SUMF2: variants seen among roughly 807,000 people sequenced by gnomAD.
The protein encoded by SUMF2 is inactive C-alpha-formylglycine-generating enzyme 2.
A neutral mutation model predicts 44.8 loss-of-function variants in SUMF2; 45 were observed. The observed-to-expected ratio is 1.00, with a 90% CI of 0.79 to 1.29. The LOEUF is 1.29. SUMF2 is among the 50% of genes most tolerant of loss of function. SUMF2 has a pLI of 0.00. For synonymous variants in SUMF2, 148 were observed against 150.4 expected, an observed-to-expected ratio of 0.98 and a Z score of 0.12; for missense variants, 418 against 389.9, an observed-to-expected ratio of 1.07 and a Z score of -0.61.
downstream of SUMF2, chr7:56,081,369 A>T: frequency 8.5e-6 from 13 of 1,527,652 alleles, no homozygotes; most frequent in South Asian, 1.5e-4. This position sits in a 1 kb window ranked among gnomAD's most constrained non-coding sequence, Gnocchi z 4.6. Flanking sequence ...CAGCACAGGG[A>T]CGCTCTGGGC....
rs201750305 is a variant in SUMF2, at chr7:56,074,686, G to A, written c.485G>A (p.Arg162Gln). 13 of 1,614,024 alleles carry A rather than the reference G, an allele frequency of 8.1e-6. No homozygotes were observed. Among genetic ancestry groups the A allele is most frequent in the Non-Finnish European group, 1.1e-5 (13 of 1,180,024 alleles). ...ARAYCAWRGK[R>Q]LPTEEEWEFA... is the part of the protein sequence containing the mutation. Reference sequence around the variant, plus strand: ...GCCTACTGTGCTTGGCGGGGAAAACGACTGCCCACGGAGGAAGAGTGGGAG... The same window carrying A: ...GCCTACTGTGCTTGGCGGGGAAAACAACTGCCCACGGAGGAAGAGTGGGAG... Residue 162 changes from arginine (R) to glutamine (Q), a missense_variant, in exon 5 of 9, where the codon CGA becomes CAA. Transcript: ENST00000434526.
At chr7:56,082,606 G>A (rs537014186), downstream of SUMF2, among the ~76,000 whole-genome samples, 10 of 151,716 alleles carry the variant, frequency 6.6e-5, no homozygotes, top group Admixed American at 6.6e-4. Flanking sequence ...AAAAAAGAGA[G>A]GAAGTCCAAA....
At chr7:56,073,171 G>A (rs748110656) in intron 3 of SUMF2, 60 bp downstream of exon 3, 1 of 1,347,738 alleles carries the variant, frequency 7.4e-7, no homozygotes, top group Admixed American at 1.8e-5. Context: ...AGGGAATCCT[G>A]TGGGACATGG....
downstream of SUMF2, chr7:56,083,481 G>C: frequency 6.2e-7 from 1 of 1,608,748 alleles, no homozygotes; most frequent in Non-Finnish European, 8.5e-7. Context: ...CCTCTGCTCA[G>C]GGTCAGGTAA....
At position 56,078,451 on chromosome 7, in the gene SUMF2, C is replaced by T. The variant is rs779587979; in HGVS notation, c.764C>T (p.Ala255Val). The change falls in exon 8 of 9, where the codon GCA becomes GTA. Residue 255 changes from alanine (A) to valine (V), a missense_variant. By Grantham distance (64) the Ala-to-Val change is moderately conservative. Coordinates refer to ENST00000434526, the MANE Select transcript of SUMF2 (RefSeq NM_015411.4). ...AEQDMRVLRGASWIDTADGSA... is the reference protein window; with the variant it reads ...AEQDMRVLRGVSWIDTADGSA... ...CAGGACATGCGCGTCCTCCGGGGGG[C>T]ATCCTGGATCGACACAGCTGATGGC... 5 of 1,606,954 alleles carry T rather than the reference C, an allele frequency of 3.1e-6. No homozygotes were observed. In the South Asian group the frequency reaches 5.5e-5, roughly 18 times the overall value.
intron 3 of SUMF2, 126 bp from the exon 4 acceptor site, chr7:56,074,044 ATCAG>A: frequency 1.8e-6 from 1 of 564,184 alleles, no homozygotes; most frequent in Non-Finnish European, 3.3e-6. Context: ...AAAAAAAAAA[ATCAG>A]CCACAACCTC....
downstream of SUMF2, chr7:56,081,160 C>T (rs182098876): frequency 1.1e-5 from 17 of 1,613,862 alleles, no homozygotes; most frequent in African/African-American, 8.0e-5. This position sits in a 1 kb window ranked among gnomAD's most constrained non-coding sequence, Gnocchi z 4.6. Context: ...GCCATAGATT[C>T]GGAAAGCGTA....
chr7:56,073,022 C>T lies in SUMF2; in HGVS notation c.250C>T (p.Arg84Trp), dbSNP rs773207288. The stretch of plus-strand genomic sequence containing the variant: ...GGATTTTGTCAGGGAGAAAAAGTAT[C>T]GGACAGAAGCTGAGATGTTTGGATG... ...FRDFVREKKY[R>W]TEAEMFGWSF... is the part of the protein sequence containing the mutation. Residue 84 changes from arginine (R) to tryptophan (W), a missense_variant, in exon 3 of 9, where the codon CGG becomes TGG. By Grantham distance (101) the Arg-to-Trp change is moderately radical. Coordinates refer to ENST00000434526, the MANE Select transcript of SUMF2 (RefSeq NM_015411.4). 1.9e-5 allele frequency: 31 copies of T among 1,613,936 alleles called. No individual in the cohort carries two copies. Among genetic ancestry groups the T allele is most frequent in the East Asian group, 4.5e-5 (2 of 44,894 alleles).
chr7:56,071,362 A>G (rs1795141129), intron 2 of SUMF2, among the ~76,000 whole-genome samples: 1 of 152,142 alleles, frequency 6.6e-6, no homozygotes, highest in Non-Finnish European at 1.5e-5. Context: ...GTCTCAAAAT[A>G]TAAATAATTA....
chr7:56,074,390 C>A, intron 4 of SUMF2, 172 bp downstream of exon 4: 1 of 981,968 alleles, frequency 1.0e-6, no homozygotes, highest in Non-Finnish European at 1.5e-6. Context: ...ATCCTGTTTC[C>A]TGTTACCCAT....
downstream of SUMF2, chr7:56,081,305 G>A (rs1443641862): frequency 1.4e-5 from 22 of 1,602,880 alleles, no homozygotes; most frequent in South Asian, 7.7e-5. The surrounding 1 kb of genome is among the most constrained non-coding windows in gnomAD (Gnocchi z 4.6). Flanking sequence ...ATCACCTGCA[G>A]GGCCAGGCGG....
At chr7:56,082,271 A>C, downstream of SUMF2, 1 of 1,602,128 alleles carries the variant, frequency 6.2e-7, no homozygotes, top group South Asian at 1.1e-5. Flanking sequence ...AACAGTCATC[A>C]TCAGGGCAGG....
chr7:56,072,520 C>T (rs774470879), intron 2 of SUMF2, among the ~76,000 whole-genome samples: 3 of 151,722 alleles, frequency 2.0e-5, no homozygotes, highest in African/African-American at 4.8e-5. Flanking sequence ...GTCAGGAGTT[C>T]GAGACCAGCC....
At chr7:56,068,713 T>C (rs1257337246) in intron 2 of SUMF2, 75 bp downstream of exon 2, 19 of 1,505,020 alleles carry the variant, frequency 1.3e-5, no homozygotes, top group Non-Finnish European at 1.7e-5. Flanking sequence ...TTTTTTTTTT[T>C]TGTTTTTTGA....
intron 1 of SUMF2, among the ~76,000 whole-genome samples, chr7:56,065,867 G>T (rs1446496078): frequency 6.6e-6 from 1 of 151,962 alleles, no homozygotes; most frequent in Non-Finnish European, 1.5e-5. Flanking sequence ...CGGATCACGA[G>T]GTCAGGAGTT....
At chr7:56,085,007 C>A (rs1372777239), downstream of SUMF2, among the ~76,000 whole-genome samples, 2 of 152,216 alleles carry the variant, frequency 1.3e-5, no homozygotes, top group African/African-American at 4.8e-5. Flanking sequence ...GTTGCCCAGG[C>A]TGGAGTGCAG....
intron 5 of SUMF2, chr7:56,076,544 A>G (rs1795561368): frequency 3.1e-6 from 1 of 321,174 alleles, no homozygotes; most frequent in Admixed American, 5.0e-5. Flanking sequence ...AAGTTTCTCG[A>G]TTTCTGTACT....
rs1370975774 is a variant in SUMF2, at chr7:56,073,253, G to A, written c.339+142G>A. Reference sequence around the variant, plus strand: ...AGGGGAAGCAAGAGAAACTCACCATGGAGCGTCAGATCAGTACACACTCCC... The same window carrying A: ...AGGGGAAGCAAGAGAAACTCACCATAGAGCGTCAGATCAGTACACACTCCC... On this transcript the variant is annotated intron_variant, in intron 3 of 8. Coordinates refer to ENST00000434526, the MANE Select transcript of SUMF2 (RefSeq NM_015411.4). 8 of 719,706 alleles carry A rather than the reference G, an allele frequency of 1.1e-5. No individual in the cohort carries two copies. In the East Asian group the frequency reaches 2.2e-4, roughly 19 times the overall value. The allele number at this position is 719,706 out of a possible 1,614,324, so 44.6% of individuals were successfully genotyped here.
chr7:56,081,722 G>A (rs545839626), downstream of SUMF2: 66 of 1,613,868 alleles, frequency 4.1e-5, 1 homozygote, highest in South Asian at 1.5e-4. The surrounding 1 kb of genome is among the most constrained non-coding windows in gnomAD (Gnocchi z 4.6). Context: ...GCTGTGTAGC[G>A]GTTCTGGGGT....
Sources: allele counts gnomAD v4.1 joint callset (sites outside exome capture counted in the v4.1 genomes callset), GRCh38; gene constraint gnomAD v4.1.1; non-coding constraint Gnocchi (gnomAD v3.1); transcripts MANE v1.5; gene names NCBI Gene and HGNC (gene_info 2026-07-23, HGNC 2026-07-21).